Variants in ROBO2 observed in about 807,000 individuals in gnomAD.
The protein encoded by ROBO2 is roundabout guidance receptor 2.
A neutral mutation model predicts 160.8 loss-of-function variants in ROBO2; 53 were observed. That is an observed-to-expected ratio of 0.33 (90% CI 0.26 to 0.41). The LOEUF (loss-of-function observed/expected upper bound fraction) is 0.41. ROBO2 is among the 10% of genes least tolerant of loss of function. The probability of loss-of-function intolerance (pLI) is 1.00; values close to 1 mark genes in which losing one functional copy is unlikely to be tolerated. For missense variants in ROBO2, 1,577 were observed against 1,722.4 expected (o/e 0.92, Z 1.49); for synonymous variants, 664 against 611.7 (o/e 1.09, Z -1.26).
chr3:77,532,759 T>C (rs1215634960), intron 6 of ROBO2, among the ~76,000 whole-genome samples: 3 of 151,972 alleles, frequency 2.0e-5, no homozygotes, highest in Non-Finnish European at 2.9e-5. Context: ...TAAGCTCTAA[T>C]ATAAAATTCT....
At chr3:76,671,972 A>C (rs1177895163) in intron 2 of ROBO2, among the ~76,000 whole-genome samples, 6 of 152,134 alleles carry the variant, frequency 3.9e-5, no homozygotes, top group Non-Finnish European at 4.4e-5. Context: ...ACAAGTGAAT[A>C]AACTATGGTT....
At chr3:77,143,806 AT>A (rs973794385) in intron 2 of ROBO2, among the ~76,000 whole-genome samples, 166 of 145,748 alleles carry the variant, frequency 1.1e-3, no homozygotes, top group African/African-American at 3.8e-3. Context: ...TTTCTTGCCC[AT>A]TTTTTTTTCA....
intron 2 of ROBO2, among the ~76,000 whole-genome samples, chr3:77,383,843 A>G (rs2073816513): frequency 6.6e-6 from 1 of 152,150 alleles, no homozygotes; most frequent in Non-Finnish European, 1.5e-5. Flanking sequence ...TATTCCATAG[A>G]GGTTTATCAC....
At chr3:77,627,996 C>T (rs949657841) in intron 23 of ROBO2, among the ~76,000 whole-genome samples, 1 of 152,170 alleles carries the variant, frequency 6.6e-6, no homozygotes, top group Non-Finnish European at 1.5e-5. Context: ...AGAGACACAG[C>T]AAGATGCCAC....
chr3:76,260,039 T>C (rs1464431286), intron 2 of ROBO2, among the ~76,000 whole-genome samples: 1 of 152,126 alleles, frequency 6.6e-6, no homozygotes, highest in Admixed American at 6.6e-5. Context: ...AATGACAAGG[T>C]TATTCTGGAT....
chr3:77,457,593 T>C (rs2153568003), intron 2 of ROBO2, among the ~76,000 whole-genome samples: 1 of 152,248 alleles, frequency 6.6e-6, no homozygotes, highest in South Asian at 2.1e-4. Flanking sequence ...TTGCTTCCCA[T>C]ACAACAGGGA....
At chr3:77,380,329 T>G (rs1284968231) in intron 2 of ROBO2, among the ~76,000 whole-genome samples, 1 of 152,198 alleles carries the variant, frequency 6.6e-6, no homozygotes, top group African/African-American at 2.4e-5. Flanking sequence ...TATGACAGTG[T>G]TGACGTAGAT....
rs557535618 is a variant in ROBO2 at position 76,618,642 on chromosome 3, C to T, written c.110-479372C>T. On this transcript the variant is annotated intron_variant, in intron 2 of 26. Coordinates refer to the ROBO2 transcript ENST00000487694. ...GGGGAAAAATAGTGTTTAGCTTTCT[C>T]ATATGTGTATTCTTTTAAAATATTA... Among the ~76,000 whole-genome samples, 3 of 151,674 alleles carry T rather than the reference C, an allele frequency of 2.0e-5. 1 individual carries two copies. The South Asian group carries it at 6.4e-4, about 32-fold the overall frequency.
intron 1 of ROBO2, among the ~76,000 whole-genome samples, chr3:77,077,651 T>C (rs944549395): frequency 6.6e-6 from 1 of 152,182 alleles, no homozygotes; most frequent in Non-Finnish European, 1.5e-5. Context: ...TCTCCAGTCT[T>C]GTAGTCTTGT....
chr3:76,294,187 C>A (rs1174397431), intron 2 of ROBO2, among the ~76,000 whole-genome samples: 3 of 152,096 alleles, frequency 2.0e-5, no homozygotes, highest in African/African-American at 7.2e-5. Context: ...TTATTCCGAG[C>A]CTGCAGGGCA....
intron 2 of ROBO2, among the ~76,000 whole-genome samples, chr3:76,392,382 G>T (rs1234128916): frequency 6.6e-6 from 1 of 152,090 alleles, no homozygotes; most frequent in East Asian, 1.9e-4. Context: ...GAATTGTACA[G>T]TTCAGATACC....
At chr3:76,559,736 T>C (rs2084043057) in intron 2 of ROBO2, among the ~76,000 whole-genome samples, 1 of 152,144 alleles carries the variant, frequency 6.6e-6, no homozygotes, top group African/African-American at 2.4e-5. Flanking sequence ...GAAATATCAA[T>C]TAGTGGAACA....
intron 2 of ROBO2, among the ~76,000 whole-genome samples, chr3:76,203,678 G>C (rs575993515): frequency 6.6e-6 from 1 of 151,854 alleles, no homozygotes; most frequent in South Asian, 2.1e-4. Flanking sequence ...CAGATCACAG[G>C]TCACGGTTCT....
At chr3:77,581,703 G>A (rs78908809) in intron 16 of ROBO2, among the ~76,000 whole-genome samples, 17,252 of 152,004 alleles carry the variant, frequency 0.11, 1,087 homozygotes, top group Admixed American at 0.15. Context: ...TGATCTCATT[G>A]AATGTTTCTT....
At chr3:76,588,402 C>T (rs1343469688) in intron 2 of ROBO2, among the ~76,000 whole-genome samples, 1 of 152,128 alleles carries the variant, frequency 6.6e-6, no homozygotes, top group African/African-American at 2.4e-5. Flanking sequence ...TTAATGTTCA[C>T]ATTAGTATAC....
intron 2 of ROBO2, among the ~76,000 whole-genome samples, chr3:76,885,810 C>A (rs769108623): frequency 6.6e-6 from 1 of 152,130 alleles, no homozygotes; most frequent in Non-Finnish European, 1.5e-5. Context: ...TTACATCTTT[C>A]TTTATGCTCA....
chr3:76,818,957 T>C (rs1388378502), intron 2 of ROBO2, among the ~76,000 whole-genome samples: 2 of 152,108 alleles, frequency 1.3e-5, no homozygotes, highest in Admixed American at 6.6e-5. Flanking sequence ...TTTGGTTCCA[T>C]ATGAATTGAC....
intron 2 of ROBO2, among the ~76,000 whole-genome samples, chr3:76,203,011 A>G (rs1702611681): frequency 2.0e-5 from 3 of 151,236 alleles, no homozygotes; most frequent in Admixed American, 1.3e-4. Context: ...CTCCTAAAAT[A>G]TATTGAATAA....
At chr3:77,501,695 A>AT (rs566468286) in intron 5 of ROBO2, among the ~76,000 whole-genome samples, 2 of 151,878 alleles carry the variant, frequency 1.3e-5, no homozygotes, top group Admixed American at 6.6e-5. Flanking sequence ...TCACGGCAAT[A>AT]TTTTTTTTCA....
Sources: gnomAD v4.1 joint callset for allele counts (sites outside exome capture counted in the v4.1 genomes callset) on GRCh38, gnomAD v4.1.1 for gene constraint, MANE v1.5 for transcripts, NCBI Gene and HGNC (gene_info 2026-07-23, HGNC 2026-07-21) for gene names.